SULT2B1: variants seen among roughly 807,000 people sequenced by gnomAD.
SULT2B1 encodes the protein sulfotransferase family 2B member 1.
SULT2B1 carries 16 observed loss-of-function variants against 33.2 expected under a neutral mutation model. The ratio of observed to expected loss-of-function variants is 0.48; its 90% CI spans 0.33 to 0.73. The LOEUF is 0.73. Among genes scored for constraint, SULT2B1 ranks in the 30% least tolerant of loss-of-function variants. The pLI, the probability that SULT2B1 is intolerant of heterozygous loss-of-function variation, is 0.02. For synonymous variants in SULT2B1, 186 were observed against 200.5 expected (o/e 0.93, Z 0.61); for missense variants, 500 against 506.0 (o/e 0.99, Z 0.11).
In SULT2B1 at chr19:48,599,213, G is replaced by T; in HGVS notation, c.905G>T (p.Arg302Leu). ...GATCGTGCCTACCGCAAGCAGATGCGGGGGATGCCGACCTTCCCCTGGGAT... is the reference window on the plus strand; with the variant it reads ...GATCGTGCCTACCGCAAGCAGATGCTGGGGATGCCGACCTTCCCCTGGGAT... ...AFDRAYRKQM[R>L]GMPTFPWDED... The change falls in exon 7 of 7, where the codon CGG becomes CTG. Residue 302 changes from arginine to leucine, a missense_variant. By Grantham distance (102) the Arg-to-Leu change is moderately radical. Transcript: ENST00000201586. The surrounding 1 kb of genome is among the most constrained non-coding windows in gnomAD (Gnocchi z 4.1). 1 of 1,606,482 alleles carries T rather than the reference G, an allele frequency of 6.2e-7. No homozygotes were observed.
intron 1 of SULT2B1, among the ~76,000 whole-genome samples, chr19:48,553,544 C>T (rs1035066074): frequency 2.6e-5 from 4 of 152,170 alleles, no homozygotes; most frequent in African/African-American, 9.7e-5. Flanking sequence ...AACTCCTTGC[C>T]TCAGGTGATC....
chr19:48,589,795 C>G (rs574113910), intron 3 of SULT2B1, among the ~76,000 whole-genome samples: 1 of 152,202 alleles, frequency 6.6e-6, no homozygotes, highest in Non-Finnish European at 1.5e-5. Flanking sequence ...CCCATCTCTA[C>G]AAAAAAGTTT....
chr19:48,597,654 C>CTTTTTCTTTTTT (rs1555735826), intron 6 of SULT2B1, among the ~76,000 whole-genome samples: 1 of 124,220 alleles, frequency 8.1e-6, no homozygotes, highest in Non-Finnish European at 1.6e-5. Context: ...TTTCTTTTTT[C>CTTTTTCTTTTTT]TTTTTTGAGA....
chr19:48,573,123 C>T lies in SULT2B1; in HGVS notation c.72-2818C>T, dbSNP rs117810141. 1.5e-3 allele frequency among the ~76,000 whole-genome samples: 226 copies of T among 149,176 alleles called. 8 individuals are homozygous for T. In the East Asian group the frequency reaches 0.043, roughly 28 times the overall value. The stretch of plus-strand genomic sequence containing the variant: ...AGTGAGCCGAGATCGTGTCACTGTA[C>T]TCCAGCCTGGTGACAGAGCAGGACT... On this transcript the variant is annotated intron_variant, in intron 1 of 6. Coordinates refer to ENST00000201586, the MANE Select transcript of SULT2B1 (RefSeq NM_177973.2).
chr19:48,599,308 G>A lies in SULT2B1; in HGVS notation c.1000G>A (p.Glu334Lys). ...TGAGCCTGAGCCCAAGCCCAGCCTTGAGCCCAACACCAGCCTGGAGCGTGA... is the reference window on the plus strand; with the variant it reads ...TGAGCCTGAGCCCAAGCCCAGCCTTAAGCCCAACACCAGCCTGGAGCGTGA... ...SPEPEPKPSL[E>K]PNTSLEREPR... The change falls in exon 7 of 7, where the codon GAG becomes AAG. Residue 334 changes from glutamate to lysine, a missense_variant. Glu to Lys is a moderately conservative substitution (Grantham distance 56). Coordinates refer to ENST00000201586, the MANE Select transcript of SULT2B1 (RefSeq NM_177973.2). This position sits in a 1 kb window ranked among gnomAD's most constrained non-coding sequence, Gnocchi z 4.1. 1 of 1,609,308 alleles carries A rather than the reference G, an allele frequency of 6.2e-7. No individual in the cohort carries two copies. Among genetic ancestry groups the A allele is most frequent in the African/African-American group, 1.3e-5 (1 of 74,898 alleles).
At chr19:48,555,130 C>T (rs1001198316) in intron 1 of SULT2B1, among the ~76,000 whole-genome samples, 14 of 152,242 alleles carry the variant, frequency 9.2e-5, no homozygotes, top group Admixed American at 5.2e-4. Flanking sequence ...CTCACTCTGT[C>T]GCCCACGCTG....
chr19:48,579,866 C>T (rs1334548948), intron 2 of SULT2B1, among the ~76,000 whole-genome samples: 3 of 151,946 alleles, frequency 2.0e-5, no homozygotes, highest in Admixed American at 6.6e-5. Context: ...CTCAGCTTCC[C>T]GAAGTGCTGG....
intron 5 of SULT2B1, among the ~76,000 whole-genome samples, chr19:48,593,160 C>A (rs756183291): frequency 1.3e-5 from 2 of 152,064 alleles, no homozygotes; most frequent in African/African-American, 2.4e-5. Flanking sequence ...GAGCCTGAGG[C>A]GGGAGGACCC....
rs375402350 is a variant in SULT2B1 at position 48,584,239 on chromosome 19, C to T, written c.215-2990C>T. Reference sequence around the variant, plus strand: ...GGACTTCCCTGCCCAACCGGCTCCCCACACAAGATTAGAGTTTCGCTGCAG... The same window carrying T: ...GGACTTCCCTGCCCAACCGGCTCCCTACACAAGATTAGAGTTTCGCTGCAG... On this transcript the variant is annotated intron_variant, in intron 2 of 6. Coordinates refer to ENST00000201586, the MANE Select transcript of SULT2B1 (RefSeq NM_177973.2). Among the ~76,000 whole-genome samples, 45 of 152,326 alleles carry T rather than the reference C, an allele frequency of 3.0e-4. 1 individual carries two copies. In the East Asian group the frequency reaches 6.4e-3, roughly 22 times the overall value.
At chr19:48,574,935 G>C (rs765784170) in intron 1 of SULT2B1, among the ~76,000 whole-genome samples, 1 of 152,080 alleles carries the variant, frequency 6.6e-6, no homozygotes, top group Non-Finnish European at 1.5e-5. Context: ...AACAAACAAA[G>C]TAACTGCAGT....
intron 3 of SULT2B1, among the ~76,000 whole-genome samples, chr19:48,588,539 T>C (rs1973598060): frequency 6.7e-6 from 1 of 149,954 alleles, no homozygotes; most frequent in Non-Finnish European, 1.5e-5. Flanking sequence ...TATATTATAC[T>C]ACATATTATA....
chr19:48,587,069 G>A (rs1029811469), intron 2 of SULT2B1, among the ~76,000 whole-genome samples, 160 bp from the exon 3 acceptor site: 1 of 151,756 alleles, frequency 6.6e-6, no homozygotes, highest in Non-Finnish European at 1.5e-5. Flanking sequence ...CCGAGATCGC[G>A]CCATTGCACT....
intron 1 of SULT2B1, among the ~76,000 whole-genome samples, chr19:48,565,221 C>T (rs977984449): frequency 6.6e-6 from 1 of 151,948 alleles, no homozygotes; most frequent in African/African-American, 2.4e-5. Flanking sequence ...TCACGGTGCC[C>T]GGCCTAATCC....
intron 1 of SULT2B1, among the ~76,000 whole-genome samples, chr19:48,559,441 G>A (rs1033473430): frequency 6.6e-6 from 1 of 152,104 alleles, no homozygotes; most frequent in African/African-American, 2.4e-5. Flanking sequence ...CGTGATTTTA[G>A]CTCACTGCAA....
intron 1 of SULT2B1, among the ~76,000 whole-genome samples, chr19:48,571,196 T>TTTA (rs1973322292): frequency 1.2e-5 from 1 of 81,210 alleles, no homozygotes; most frequent in East Asian, 2.2e-4. Flanking sequence ...AATTTATTTA[T>TTTA]TTATTTATTT....
chr19:48,555,294 G>A (rs1973083497), intron 1 of SULT2B1, among the ~76,000 whole-genome samples: 1 of 152,078 alleles, frequency 6.6e-6, no homozygotes, highest in Non-Finnish European at 1.5e-5. Context: ...ATTTCACCAT[G>A]TTGGCCAGGC....
At chr19:48,556,249 C>G (rs1973099243) in intron 1 of SULT2B1, among the ~76,000 whole-genome samples, 1 of 152,168 alleles carries the variant, frequency 6.6e-6, no homozygotes, top group Non-Finnish European at 1.5e-5. Context: ...TCCCAGGTCC[C>G]TGATCACGCT....
chr19:48,599,192 G>A lies in SULT2B1; in HGVS notation c.884G>A (p.Arg295His), dbSNP rs777438571. 39 of 1,603,596 alleles carry A rather than the reference G, an allele frequency of 2.4e-5. No homozygotes were observed. The East Asian group carries it at 2.5e-4, about 10-fold the overall frequency. ...FTVAQSEAFD[R>H]AYRKQMRGMP... ...GTGGCCCAGAGCGAAGCCTTCGATC[G>A]TGCCTACCGCAAGCAGATGCGGGGG... is the stretch of plus-strand genomic sequence containing the variant. Residue 295 changes from arginine to histidine, a missense_variant, in exon 7 of 7, where the codon CGT becomes CAT. Arg to His is a conservative substitution (Grantham distance 29). Coordinates refer to ENST00000201586, the MANE Select transcript of SULT2B1 (RefSeq NM_177973.2). The surrounding 1 kb of genome is among the most constrained non-coding windows in gnomAD (Gnocchi z 4.1).
At chr19:48,554,962 G>A (rs141210493) in intron 1 of SULT2B1, among the ~76,000 whole-genome samples, 3 of 152,218 alleles carry the variant, frequency 2.0e-5, no homozygotes, top group East Asian at 3.9e-4. Flanking sequence ...TAGGGATGAT[G>A]AGCAAGACCA....
Sources: gnomAD v4.1 joint callset for allele counts (sites outside exome capture counted in the v4.1 genomes callset) on GRCh38, gnomAD v4.1.1 for gene constraint, Gnocchi (gnomAD v3.1) non-coding constraint, MANE v1.5 for transcripts, NCBI Gene and HGNC (gene_info 2026-07-23, HGNC 2026-07-21) for gene names.